GRIP1: variants seen among roughly 807,000 people sequenced by gnomAD.
GRIP1 encodes the protein glutamate receptor interacting protein 1, also known as glutamate receptor-interacting protein 1.
In GRIP1, 45 loss-of-function variants were observed where a neutral mutation model predicts 129.9. The observed-to-expected ratio is 0.35, with a 90% CI of 0.27 to 0.44. The LOEUF (loss-of-function observed/expected upper bound fraction) is 0.44, where lower values mean the gene tolerates loss of function less well. Among genes scored for constraint, GRIP1 ranks in the 20% least tolerant of loss-of-function variants. The pLI, the probability that GRIP1 is intolerant of heterozygous loss-of-function variation, is 1.00. For synonymous variants in GRIP1, 530 were observed against 520.8 expected (o/e 1.02, Z -0.24); for missense variants, 1,196 against 1,396.8 (o/e 0.86, Z 2.29).
intron 1 of GRIP1, among the ~76,000 whole-genome samples, chr12:66,670,380 A>C (rs890574464): frequency 6.6e-6 from 1 of 152,196 alleles, no homozygotes; most frequent in Non-Finnish European, 1.5e-5. Flanking sequence ...CTTCCAGTCT[A>C]TGCTGATGTG....
intron 15 of GRIP1, among the ~76,000 whole-genome samples, chr12:66,410,645 A>G (rs2057368710): frequency 2.1e-5 from 2 of 95,358 alleles, no homozygotes; most frequent in Admixed American, 9.8e-5. Flanking sequence ...CTGTCTCAAA[A>G]CAAACAAACA....
intron 16 of GRIP1, among the ~76,000 whole-genome samples, chr12:66,405,966 T>C (rs541844578): frequency 1.7e-4 from 26 of 152,336 alleles, no homozygotes; most frequent in African/African-American, 6.0e-4. Flanking sequence ...AGTTATGCCA[T>C]ATGAATACCA....
At chr12:66,508,223 C>T (rs2060597399) in intron 7 of GRIP1, among the ~76,000 whole-genome samples, 1 of 152,194 alleles carries the variant, frequency 6.6e-6, no homozygotes, top group Non-Finnish European at 1.5e-5. Context: ...CTACATTCTA[C>T]ACATACCGCT....
chr12:66,599,182 A>C (rs12231318), intron 1 of GRIP1, among the ~76,000 whole-genome samples: 17,256 of 152,210 alleles, frequency 0.11, 1,133 homozygotes, highest in African/African-American at 0.17. Context: ...TCAAGAGTGA[A>C]CTTACTGAGC....
chr12:66,505,374 C>G (rs2060499859), intron 7 of GRIP1, among the ~76,000 whole-genome samples: 1 of 152,130 alleles, frequency 6.6e-6, no homozygotes, highest in South Asian at 2.1e-4. Context: ...TGGACTGACT[C>G]CAAGGAATTG....
chr12:66,993,049 C>T (rs1340504328), intron 1 of GRIP1, among the ~76,000 whole-genome samples: 3 of 150,882 alleles, frequency 2.0e-5, no homozygotes, highest in Non-Finnish European at 2.9e-5. Context: ...AGGAGGCGGA[C>T]ATTGCAGTGA....
chr12:66,969,005 T>C (rs946947721), intron 1 of GRIP1, among the ~76,000 whole-genome samples: 5 of 152,198 alleles, frequency 3.3e-5, no homozygotes, highest in South Asian at 2.1e-4. Flanking sequence ...GAATTCAAAG[T>C]TGATGAGGGT....
At chr12:66,724,018 T>C (rs982783676) in intron 1 of GRIP1, among the ~76,000 whole-genome samples, 1 of 152,138 alleles carries the variant, frequency 6.6e-6, no homozygotes. Context: ...TGCCATAACA[T>C]CTTGACATGA....
upstream of GRIP1, among the ~76,000 whole-genome samples, chr12:66,682,928 T>G (rs116903759): frequency 6.6e-6 from 1 of 152,304 alleles, no homozygotes; most frequent in Non-Finnish European, 1.5e-5. Context: ...CTTATTCATT[T>G]AACTATTACA....
chr12:66,393,406 T>G (rs1165482042), intron 17 of GRIP1, among the ~76,000 whole-genome samples: 7 of 152,122 alleles, frequency 4.6e-5, no homozygotes, highest in South Asian at 2.1e-4. Context: ...TGAACTGACC[T>G]CGTGATCCAT....
chr12:66,687,591 A>G (rs1401159592), intron 1 of GRIP1, among the ~76,000 whole-genome samples: 1 of 152,176 alleles, frequency 6.6e-6, no homozygotes, highest in Non-Finnish European at 1.5e-5. Flanking sequence ...GGAAAGTTCT[A>G]ACTCACAATA....
chr12:67,048,466 AT>A lies in GRIP1; in HGVS notation c.58+20583del, dbSNP rs549518736. ...CGTATACATATACGCACACACATAC[AT>A]TTTTTTTTTTAAAGATGAAGTACTG... is the stretch of plus-strand genomic sequence containing the variant. On this transcript the variant is annotated intron_variant, in intron 1 of 1. Transcript: ENST00000643019. 2.3e-3 allele frequency among the ~76,000 whole-genome samples: 348 copies of A among 148,464 alleles called. 2 individuals are homozygous for A. The South Asian group carries it at 0.024, about 10-fold the overall frequency.
At chr12:66,594,003 G>T (rs1306617416) in intron 2 of GRIP1, among the ~76,000 whole-genome samples, 5 of 138,532 alleles carry the variant, frequency 3.6e-5, no homozygotes, top group Non-Finnish European at 7.6e-5. Flanking sequence ...GGGAGGTGGA[G>T]CTTGCAGTGA....
chr12:66,733,931 A>G (rs1372788515), intron 1 of GRIP1, among the ~76,000 whole-genome samples: 1 of 152,140 alleles, frequency 6.6e-6, no homozygotes, highest in Non-Finnish European at 1.5e-5. Context: ...AAGCTGTGGC[A>G]CTATCACCAC....
At chr12:66,359,205 C>A (rs80015775) in intron 23 of GRIP1, among the ~76,000 whole-genome samples, 2,018 of 152,294 alleles carry the variant, frequency 0.013, 54 homozygotes, top group African/African-American at 0.046. Context: ...TTGAGGTGCA[C>A]CCACATGTGA....
intron 1 of GRIP1, among the ~76,000 whole-genome samples, chr12:67,025,536 T>A (rs774388): frequency 6.6e-6 from 1 of 152,082 alleles, no homozygotes; most frequent in Non-Finnish European, 1.5e-5. Flanking sequence ...TCTGTTTCCA[T>A]AGAAATATGA....
At chr12:66,966,174 C>T (rs1025532343) in intron 1 of GRIP1, among the ~76,000 whole-genome samples, 2 of 152,132 alleles carry the variant, frequency 1.3e-5, no homozygotes. Context: ...CAGAAATAAA[C>T]TGAGTAGCAT....
chr12:67,050,352 T>C (rs866666719), intron 1 of GRIP1, among the ~76,000 whole-genome samples: 1 of 150,802 alleles, frequency 6.6e-6, no homozygotes, highest in Non-Finnish European at 1.5e-5. Context: ...AAAAACAAAA[T>C]AATTAGATTG....
At chr12:66,722,540 G>A (rs1039982447) in intron 1 of GRIP1, among the ~76,000 whole-genome samples, 4 of 152,172 alleles carry the variant, frequency 2.6e-5, no homozygotes, top group Non-Finnish European at 5.9e-5. Flanking sequence ...AAAATATTGT[G>A]AGAATTGCCA....
Sources: allele counts gnomAD v4.1 joint callset (sites outside exome capture counted in the v4.1 genomes callset), GRCh38; gene constraint gnomAD v4.1.1; transcripts MANE v1.5; gene names NCBI Gene and HGNC (gene_info 2026-07-23, HGNC 2026-07-21).